The following LRP1B variants were observed in gnomAD, a reference collection of about 807,000 sequenced individuals.
LRP1B encodes the protein LDL receptor related protein 1B.
Under a neutral mutation model 556.6 loss-of-function variants are expected in LRP1B, and 217 were observed. The ratio of observed to expected loss-of-function variants is 0.39; its 90% CI spans 0.35 to 0.44. The LOEUF (loss-of-function observed/expected upper bound fraction) is 0.44, where lower values mean the gene tolerates loss of function less well. Among genes scored for constraint, LRP1B ranks in the 20% least tolerant of loss-of-function variants. The pLI, the probability that LRP1B is intolerant of heterozygous loss-of-function variation, is 1.00. For synonymous variants in LRP1B, 2,047 were observed against 1,865.8 expected, an observed-to-expected ratio of 1.10 and a Z score of -2.50; for missense variants, 5,053 against 5,620.8, an observed-to-expected ratio of 0.90 and a Z score of 3.23.
intron 35 of LRP1B, among the ~76,000 whole-genome samples, chr2:140,750,841 C>T (rs992373510): frequency 6.6e-6 from 1 of 152,050 alleles, no homozygotes; most frequent in African/African-American, 2.4e-5. Flanking sequence ...TCTCAGTGGC[C>T]TAAATTAAGC....
At chr2:140,577,652 C>A (rs1178520589) in intron 43 of LRP1B, among the ~76,000 whole-genome samples, 1 of 151,922 alleles carries the variant, frequency 6.6e-6, no homozygotes, top group East Asian at 2.0e-4. Context: ...AACTCCTGGG[C>A]TCAGGGGATT....
At chr2:141,887,905 T>C (rs1005309481) in intron 1 of LRP1B, among the ~76,000 whole-genome samples, 15 of 152,220 alleles carry the variant, frequency 9.9e-5, no homozygotes, top group Admixed American at 8.5e-4. Context: ...AGAATAATAA[T>C]GTAAGCTTGA....
chr2:140,651,913 T>C (rs1445254486), intron 41 of LRP1B, among the ~76,000 whole-genome samples: 1 of 152,092 alleles, frequency 6.6e-6, no homozygotes, highest in Non-Finnish European at 1.5e-5. Flanking sequence ...CATATTACCT[T>C]CAGAAAAAGG....
At chr2:142,053,336 C>G (rs1434799704) in intron 1 of LRP1B, among the ~76,000 whole-genome samples, 1 of 151,990 alleles carries the variant, frequency 6.6e-6, no homozygotes, top group Non-Finnish European at 1.5e-5. Context: ...ATAGCTATTT[C>G]TTGTAGACAG....
At chr2:140,969,259 G>C (rs1696333030) in intron 18 of LRP1B, among the ~76,000 whole-genome samples, 1 of 152,166 alleles carries the variant, frequency 6.6e-6, no homozygotes, top group Non-Finnish European at 1.5e-5. Context: ...TCTTCTTGTT[G>C]AATTGATCCC....
intron 41 of LRP1B, among the ~76,000 whole-genome samples, chr2:140,665,656 T>C (rs1685240887): frequency 6.6e-6 from 1 of 152,172 alleles, no homozygotes; most frequent in Non-Finnish European, 1.5e-5. Flanking sequence ...CAAAGCCACA[T>C]ATGGCCAAAC....
At chr2:141,646,434 T>C (rs1441266843) in intron 2 of LRP1B, among the ~76,000 whole-genome samples, 1 of 152,122 alleles carries the variant, frequency 6.6e-6, no homozygotes, top group Non-Finnish European at 1.5e-5. Context: ...CAAATGCTCA[T>C]TGAGGGCCTG....
At chr2:140,574,950 C>T (rs1681463428) in intron 43 of LRP1B, among the ~76,000 whole-genome samples, 1 of 152,132 alleles carries the variant, frequency 6.6e-6, no homozygotes, top group South Asian at 2.1e-4. Flanking sequence ...CTTGCCCTTG[C>T]ACATAAATAA....
chr2:140,864,327 A>G (rs1692885710), intron 27 of LRP1B, among the ~76,000 whole-genome samples: 1 of 152,054 alleles, frequency 6.6e-6, no homozygotes, highest in Non-Finnish European at 1.5e-5. Flanking sequence ...AAATAAATAA[A>G]TAACCATACA....
At chr2:141,865,670 G>C (rs1698392583) in intron 1 of LRP1B, among the ~76,000 whole-genome samples, 1 of 151,824 alleles carries the variant, frequency 6.6e-6, no homozygotes, top group East Asian at 1.9e-4. Flanking sequence ...AGAAAGTGAC[G>C]TGAGAACTAC....
intron 1 of LRP1B, among the ~76,000 whole-genome samples, chr2:142,060,607 A>G (rs1164313279): frequency 6.6e-6 from 1 of 152,040 alleles, no homozygotes; most frequent in Non-Finnish European, 1.5e-5. Context: ...GTTGTCTTAT[A>G]TATCTTTGAG....
intron 2 of LRP1B, among the ~76,000 whole-genome samples, chr2:141,488,960 G>A (rs150760974): frequency 4.3e-3 from 230 of 53,138 alleles, no homozygotes; most frequent in African/African-American, 7.3e-3. Flanking sequence ...CTTTTACATG[G>A]GTTTGTTTTT....
At chr2:140,706,010 T>C (rs945790136) in intron 37 of LRP1B, among the ~76,000 whole-genome samples, 11 of 152,132 alleles carry the variant, frequency 7.2e-5, no homozygotes, top group African/African-American at 2.7e-4. Flanking sequence ...AAACCAAATG[T>C]AGAGAAAGAA....
rs145915063 is a variant in LRP1B at position 140,373,100 on chromosome 2, C to T, written c.10676G>A (p.Arg3559Gln). 1.1e-4 allele frequency: 172 copies of T among 1,613,050 alleles called. No individual in the cohort carries two copies. The highest frequency in any genetic ancestry group is 7.5e-4 in the Admixed American group (45 of 59,932). ...CETSCSKDQF[R>Q]CSNGQCIPAK... Reference sequence around the variant, plus strand: ...TGGTATACACTGACCATTGGAACACCGGAACTGATCTTTGGAACAACTTGT... The same window carrying T: ...TGGTATACACTGACCATTGGAACACTGGAACTGATCTTTGGAACAACTTGT... Residue 3559 changes from arginine (R) to glutamine (Q), a missense_variant, in exon 69 of 91, where the codon CGG becomes CAG. Arg to Gln is a conservative substitution (Grantham distance 43). Transcript: ENST00000389484.
At chr2:140,836,773 C>T (rs1312861796) in intron 31 of LRP1B, among the ~76,000 whole-genome samples, 1 of 152,122 alleles carries the variant, frequency 6.6e-6, no homozygotes, top group Admixed American at 6.5e-5. Context: ...AAAAGTATTG[C>T]ATTTATATAT....
chr2:141,202,693 G>A (rs531491361), intron 6 of LRP1B, among the ~76,000 whole-genome samples: 1 of 152,034 alleles, frequency 6.6e-6, no homozygotes, highest in Non-Finnish European at 1.5e-5. Context: ...TTTCATGTTT[G>A]TTGGCCACAC....
At chr2:140,607,251 C>A (rs114393399) in intron 41 of LRP1B, among the ~76,000 whole-genome samples, 4 of 151,998 alleles carry the variant, frequency 2.6e-5, no homozygotes, top group African/African-American at 9.7e-5. Flanking sequence ...TTCATTATGA[C>A]GACTGCAACA....
chr2:141,248,726 T>A (rs1684157355), intron 4 of LRP1B, among the ~76,000 whole-genome samples: 2 of 152,198 alleles, frequency 1.3e-5, no homozygotes, highest in Non-Finnish European at 2.9e-5. Context: ...TGGGAAAGCA[T>A]TAATTAGATG....
intron 2 of LRP1B, among the ~76,000 whole-genome samples, chr2:141,701,872 T>C (rs919272096): frequency 8.6e-5 from 13 of 151,908 alleles, no homozygotes; most frequent in African/African-American, 2.4e-4. Flanking sequence ...TCATTGTTTA[T>C]ACAATTTGAT....
Sources: allele counts gnomAD v4.1 joint callset (sites outside exome capture counted in the v4.1 genomes callset), GRCh38; gene constraint gnomAD v4.1.1; transcripts MANE v1.5; gene names NCBI Gene and HGNC (gene_info 2026-07-23, HGNC 2026-07-21).